The following YWHAB variants were observed in gnomAD, a reference collection of about 807,000 sequenced individuals.
The protein encoded by YWHAB is tyrosine 3-monooxygenase/tryptophan 5-monooxygenase activation protein beta, also known as 14-3-3 protein beta/alpha.
In YWHAB, 2 loss-of-function variants were observed where a neutral mutation model predicts 28.5. That is an observed-to-expected ratio of 0.07 (90% CI 0.03 to 0.22). The LOEUF (loss-of-function observed/expected upper bound fraction) is 0.22, where lower values mean the gene tolerates loss of function less well. Ranked by LOEUF, YWHAB falls within the 10% of genes least tolerant of loss-of-function variation. The probability of loss-of-function intolerance (pLI) is 1.00; values close to 1 mark genes in which losing one functional copy is unlikely to be tolerated. For missense variants in YWHAB, 148 were observed against 297.1 expected (o/e 0.50, Z 3.69); for synonymous variants, 103 against 104.7 (o/e 0.98, Z 0.10).
chr20:44,894,250 C>T (rs887927661), intron 1 of YWHAB, among the ~76,000 whole-genome samples: 6 of 152,160 alleles, frequency 3.9e-5, no homozygotes, highest in African/African-American at 1.4e-4. Context: ...CAGGGTTGGG[C>T]CTTTTGTGGC....
At chr20:44,896,562 T>C (rs918702347) in intron 1 of YWHAB, among the ~76,000 whole-genome samples, 4 of 152,238 alleles carry the variant, frequency 2.6e-5, no homozygotes, top group Admixed American at 1.3e-4. Flanking sequence ...GGAGGAAATC[T>C]GACTCTGCTT....
chr20:44,886,750 C>T (rs1018078767), intron 1 of YWHAB: 4 of 152,128 alleles, frequency 2.6e-5, no homozygotes, highest in East Asian at 1.9e-4. Context: ...GCATCTTTGC[C>T]GCAAATGGAG....
In YWHAB at chr20:44,906,630, A is replaced by G. The variant is rs1387669795; in HGVS notation, c.*192A>G. The G allele has an allele frequency of 2.4e-6, 1 of 419,058 alleles. No homozygotes were observed. Among genetic ancestry groups the G allele is most frequent in the Non-Finnish European group, 4.3e-6 (1 of 231,250 alleles). 26.0% of individuals were successfully genotyped at this position (419,058 alleles called of 1,614,324 possible). A position where few individuals can be genotyped will look rare whatever the true frequency, so the allele number is the denominator to read the frequency against. On this transcript the variant is annotated 3_prime_UTR_variant, in exon 6 of 6. Transcript: ENST00000353703. The stretch of plus-strand genomic sequence containing the variant: ...TGTATCTAAAACTCAGATTGGTCAC[A>G]TAAATGCCACGGCATTCCGAAGTTT...
At chr20:44,898,554 G>A (rs2066608751) in intron 1 of YWHAB, among the ~76,000 whole-genome samples, 1 of 151,648 alleles carries the variant, frequency 6.6e-6, no homozygotes, top group Admixed American at 6.6e-5. Flanking sequence ...TGTTGCCCAG[G>A]CCAGAGTGCA....
intron 1 of YWHAB, among the ~76,000 whole-genome samples, chr20:44,893,604 A>C (rs551629577): frequency 1.3e-5 from 2 of 149,798 alleles, no homozygotes; most frequent in African/African-American, 4.9e-5. Flanking sequence ...TCCAGCCCCC[A>C]TTGCTCTTAA....
rs748511597 is a variant in YWHAB at position 44,907,139 on chromosome 20, C to G, written c.*701C>G. 20 of 152,232 alleles carry G rather than the reference C, an allele frequency of 1.3e-4. No individual in the cohort carries two copies. Among genetic ancestry groups the G allele is most frequent in the South Asian group, 2.1e-4 (1 of 4,836 alleles). 9.4% of individuals were successfully genotyped at this position (152,232 alleles called of 1,614,324 possible). A position where few individuals can be genotyped will look rare whatever the true frequency, so the allele number is the denominator to read the frequency against. The stretch of plus-strand genomic sequence containing the variant: ...TAACACACCACACTGAACCCCCTTT[C>G]CTACAGCAATATGTTCACTATGTTA... On this transcript the variant is annotated 3_prime_UTR_variant, in exon 6 of 6. Transcript: ENST00000353703.
chr20:44,906,542 G>T lies in YWHAB; in HGVS notation c.*104G>T. 9.2e-7 allele frequency: 1 copy of T among 1,084,524 alleles called. No individual in the cohort carries two copies. The allele number at this position is 1,084,524 out of a possible 1,614,324, so 67.2% of individuals were successfully genotyped here. ...AAAAAAAAAAAGAGAATCGTACGTC[G>T]ACTTTCGATTTTTCACAGCCTCAGC... On this transcript the variant is annotated 3_prime_UTR_variant, in exon 6 of 6. Coordinates refer to ENST00000353703, the MANE Select transcript of YWHAB (RefSeq NM_139323.4).
chr20:44,890,343 T>C lies in YWHAB; in HGVS notation c.-4+4457T>C, dbSNP rs897193115. On this transcript the variant is annotated intron_variant, in intron 1 of 5. Coordinates refer to ENST00000353703, the MANE Select transcript of YWHAB (RefSeq NM_139323.4). ...AGTCTAAGACAATAAAAACAGTCTG[T>C]ATTTTATAGGTCAGATGTGTGCTAC... Among the ~76,000 whole-genome samples the C allele has an allele frequency of 3.3e-5, 5 of 152,170 alleles. No individual in the cohort carries two copies. The South Asian group carries it at 8.3e-4, about 25-fold the overall frequency.
chr20:44,894,767 C>G (rs2066585807), intron 1 of YWHAB, among the ~76,000 whole-genome samples: 1 of 152,194 alleles, frequency 6.6e-6, no homozygotes, highest in Non-Finnish European at 1.5e-5. Context: ...GAGGTAGATG[C>G]CATCTTCATT....
intron 2 of YWHAB, 183 bp from the exon 3 acceptor site, chr20:44,903,807 CAGA>C (rs752062494): frequency 3.3e-4 from 188 of 562,200 alleles, no homozygotes; most frequent in Middle Eastern, 4.9e-4. Flanking sequence ...TGATTTTTAA[CAGA>C]AGAATACAGG....
chr20:44,886,942 T>C (rs938374939), intron 1 of YWHAB: 1 of 152,228 alleles, frequency 6.6e-6, no homozygotes, highest in African/African-American at 2.4e-5. Flanking sequence ...GATGATGCTA[T>C]GAACATAAAA....
At chr20:44,897,351 A>G (rs189529795) in intron 1 of YWHAB, among the ~76,000 whole-genome samples, 2 of 152,364 alleles carry the variant, frequency 1.3e-5, no homozygotes, top group East Asian at 3.9e-4. Context: ...ATCCACAGGT[A>G]GAGTTGCATA....
chr20:44,901,759 A>C lies in YWHAB; in HGVS notation c.226A>C (p.Lys76Gln), dbSNP rs766965462. 3.7e-5 allele frequency: 60 copies of C among 1,613,532 alleles called. No individual in the cohort carries two copies. Among genetic ancestry groups the C allele is most frequent in the Non-Finnish European group, 4.5e-5 (53 of 1,179,660 alleles). The change falls in exon 2 of 6, where the codon AAG becomes CAG. Residue 76 changes from lysine to glutamine, a missense_variant. This residue lies in a region of YWHAB where 110 missense variants were observed against 177.9 expected (regional missense o/e 0.62). Transcript: ENST00000353703. ...TGAGCAGAAAACAGAGAGGAATGAG[A>C]AGAAGCAGCAGATGGGCAAAGAGTA... ...SIEQKTERNE[K>Q]KQQMGKEYRE...
intron 3 of YWHAB, among the ~76,000 whole-genome samples, chr20:44,904,479 CT>C (rs1183851704): frequency 2.6e-5 from 4 of 151,526 alleles, no homozygotes; most frequent in Non-Finnish European, 5.9e-5. Flanking sequence ...CTTAACCACA[CT>C]TTATTAAGTG....
intron 1 of YWHAB, among the ~76,000 whole-genome samples, chr20:44,897,492 T>C (rs1438028487): frequency 6.6e-6 from 1 of 152,160 alleles, no homozygotes; most frequent in Non-Finnish European, 1.5e-5. Flanking sequence ...CCTGGCACTT[T>C]TAGAAACCAT....
At chr20:44,886,759 A>C (rs2066530545) in intron 1 of YWHAB, 3 of 152,210 alleles carry the variant, frequency 2.0e-5, no homozygotes, top group Non-Finnish European at 4.4e-5. Context: ...CCGCAAATGG[A>C]GAACTCCCAT....
chr20:44,897,924 G>A (rs1009413933), intron 1 of YWHAB, among the ~76,000 whole-genome samples: 4 of 152,050 alleles, frequency 2.6e-5, no homozygotes, highest in African/African-American at 9.7e-5. Flanking sequence ...ACAGTCACCC[G>A]GGGACTCAGG....
rs1221520258 is a variant in YWHAB at position 44,906,527 on chromosome 20, AGAG to A, written c.*90_*92del. On this transcript the variant is annotated 3_prime_UTR_variant, in exon 6 of 6. Coordinates refer to ENST00000353703, the MANE Select transcript of YWHAB (RefSeq NM_139323.4). ...GATAAAAAAAAAAAAAAAAAAAAAA[AGAG>A]AATCGTACGTCGACTTTCGATTTTT... is the stretch of plus-strand genomic sequence containing the variant. 25 of 601,394 alleles carry A rather than the reference AGAG, an allele frequency of 4.2e-5. No homozygotes were observed. Among genetic ancestry groups the A allele is most frequent in the East Asian group, 1.8e-4 (5 of 28,548 alleles). 37.3% of individuals were successfully genotyped at this position (601,394 alleles called of 1,614,324 possible). A position where few individuals can be genotyped will look rare whatever the true frequency, so the allele number is the denominator to read the frequency against.
In YWHAB at chr20:44,907,224, A is replaced by T. The variant is rs2093057120; in HGVS notation, c.*786A>T. ...ACTTTCATTGTTAACACTGAGCTAA[A>T]GAAAAAAAGCCGTGTGTTTTATGAA... On this transcript the variant is annotated 3_prime_UTR_variant, in exon 6 of 6. Transcript: ENST00000353703. 2.0e-5 allele frequency: 3 copies of T among 152,308 alleles called. No homozygotes were observed. In the South Asian group the frequency reaches 6.2e-4, roughly 31 times the overall value. 9.4% of individuals were successfully genotyped at this position (152,308 alleles called of 1,614,324 possible).
Sources: gnomAD v4.1 joint callset for allele counts (sites outside exome capture counted in the v4.1 genomes callset) on GRCh38, gnomAD v4.1.1 for gene constraint, gnomAD v4.1.1 regional missense constraint, MANE v1.5 for transcripts, NCBI Gene and HGNC (gene_info 2026-07-23, HGNC 2026-07-21) for gene names.